The following CAMK1D variants were observed in gnomAD, a reference collection of about 807,000 sequenced individuals.
CAMK1D encodes the protein calcium/calmodulin dependent protein kinase ID.
In CAMK1D, 9 loss-of-function variants were observed where a neutral mutation model predicts 47.7. The ratio of observed to expected loss-of-function variants is 0.19; its 90% CI spans 0.11 to 0.33. CAMK1D has a LOEUF of 0.33. Ranked by LOEUF, CAMK1D falls within the 10% of genes least tolerant of loss-of-function variation. The pLI is 1.00. For missense variants in CAMK1D, 291 were observed against 488.7 expected, an observed-to-expected ratio of 0.60 and a Z score of 3.81; for synonymous variants, 184 against 184.9, an observed-to-expected ratio of 0.99 and a Z score of 0.04.
chr10:12,614,715 T>A (rs1404499701), intron 2 of CAMK1D, among the ~76,000 whole-genome samples: 1 of 152,138 alleles, frequency 6.6e-6, no homozygotes, highest in Non-Finnish European at 1.5e-5. Context: ...CCCCACCTAC[T>A]CCAGGATATC....
intron 1 of CAMK1D, among the ~76,000 whole-genome samples, chr10:12,425,516 G>A (rs749337893): frequency 2.6e-5 from 4 of 152,146 alleles, no homozygotes; most frequent in African/African-American, 7.2e-5. Flanking sequence ...TCCTGACCTC[G>A]GGTGAACTGC....
intron 2 of CAMK1D, among the ~76,000 whole-genome samples, chr10:12,593,025 G>C (rs1588669618): frequency 6.6e-6 from 1 of 152,108 alleles, no homozygotes; most frequent in African/African-American, 2.4e-5. Flanking sequence ...TCAGACCAGG[G>C]GTCAGTGAAT....
intron 1 of CAMK1D, among the ~76,000 whole-genome samples, chr10:12,420,440 A>T: frequency 6.6e-6 from 1 of 152,236 alleles, no homozygotes; most frequent in Non-Finnish European, 1.5e-5. Context: ...TCATAACTCC[A>T]ACAAGGCATT....
intron 1 of CAMK1D, among the ~76,000 whole-genome samples, chr10:12,409,200 A>G (rs914129721): frequency 6.6e-6 from 1 of 151,940 alleles, no homozygotes; most frequent in Non-Finnish European, 1.5e-5. Flanking sequence ...TACCTACTTT[A>G]TCCCCTCGTT....
chr10:12,439,011 T>C (rs1213801888), intron 1 of CAMK1D, among the ~76,000 whole-genome samples: 1 of 152,206 alleles, frequency 6.6e-6, no homozygotes, highest in Non-Finnish European at 1.5e-5. Flanking sequence ...GGCTCTTTCC[T>C]GTCTCTTCCT....
intron 1 of CAMK1D, among the ~76,000 whole-genome samples, chr10:12,431,280 A>G (rs1832466659): frequency 6.6e-6 from 1 of 152,182 alleles, no homozygotes; most frequent in African/African-American, 2.4e-5. Flanking sequence ...GCCCCTTGGA[A>G]GCCTGGGGCT....
chr10:12,764,819 A>G (rs1057350813), intron 4 of CAMK1D, among the ~76,000 whole-genome samples: 1 of 151,996 alleles, frequency 6.6e-6, no homozygotes, highest in Non-Finnish European at 1.5e-5. Context: ...CATTGGGGCC[A>G]GTGCGGTGGC....
intron 2 of CAMK1D, among the ~76,000 whole-genome samples, chr10:12,575,574 A>G (rs1837467307): frequency 6.6e-6 from 1 of 152,206 alleles, no homozygotes; most frequent in Non-Finnish European, 1.5e-5. Flanking sequence ...TGGGTAGACA[A>G]GATGGTCCAT....
At chr10:12,706,204 A>G (rs1833721155) in intron 3 of CAMK1D, among the ~76,000 whole-genome samples, 1 of 152,202 alleles carries the variant, frequency 6.6e-6, no homozygotes, top group Non-Finnish European at 1.5e-5. Flanking sequence ...ATCCTGGGTG[A>G]GACAGAGTAG....
chr10:12,802,767 A>G (rs1838543710), intron 6 of CAMK1D, among the ~76,000 whole-genome samples: 2 of 152,160 alleles, frequency 1.3e-5, no homozygotes, highest in African/African-American at 2.4e-5. Flanking sequence ...TGATCCGTCC[A>G]CCGTGGCCTC....
chr10:12,644,034 A>G (rs1390910161), intron 2 of CAMK1D, among the ~76,000 whole-genome samples: 3 of 152,158 alleles, frequency 2.0e-5, no homozygotes, highest in Admixed American at 1.3e-4. Context: ...ATACATTACA[A>G]TGTAACAATC....
rs139049667 is a variant in CAMK1D at position 12,713,132 on chromosome 10, G to A, written c.299+46322G>A. On this transcript the variant is annotated intron_variant, in intron 3 of 10. Transcript: ENST00000619168. ...GTTGCCCAAGCTGGAGTGCAATGGC[G>A]CCACCTTGGCTCACTGCAACCTCTG... is the stretch of plus-strand genomic sequence containing the variant. 5.1e-3 allele frequency among the ~76,000 whole-genome samples: 779 copies of A among 151,986 alleles called. 7 individuals are homozygous for A. Among genetic ancestry groups the A allele is most frequent in the African/African-American group, 0.017 (701 of 41,432 alleles).
chr10:12,547,692 A>ACACACACACACACACACACACACACT, intron 1 of CAMK1D, among the ~76,000 whole-genome samples: 1 of 120,646 alleles, frequency 8.3e-6, no homozygotes, highest in African/African-American at 3.2e-5. Context: ...TCACACACAC[A>ACACACACACACACACACACACACACT]CACACACACC....
At chr10:12,508,927 C>T (rs1204086933) in intron 1 of CAMK1D, among the ~76,000 whole-genome samples, 1 of 152,184 alleles carries the variant, frequency 6.6e-6, no homozygotes, top group African/African-American at 2.4e-5. Flanking sequence ...ATTCTTTGTC[C>T]TGCTCCCCAA....
intron 1 of CAMK1D, among the ~76,000 whole-genome samples, chr10:12,526,230 AGTTAAGTTTTCAAAGCCTTT>A (rs1246191610): frequency 6.6e-6 from 1 of 152,226 alleles, no homozygotes; most frequent in Non-Finnish European, 1.5e-5. Flanking sequence ...TAACAGTATC[AGTTAAGTTTTCAAAGCCTTT>A]GCTATGCTGT....
chr10:12,541,841 A>ATCTT, intron 1 of CAMK1D, among the ~76,000 whole-genome samples: 1 of 68,536 alleles, frequency 1.5e-5, no homozygotes, highest in Non-Finnish European at 3.3e-5. Context: ...GCTGTGTTTT[A>ATCTT]TCTTCCTTCC....
At chr10:12,695,105 T>G (rs895499164) in intron 3 of CAMK1D, among the ~76,000 whole-genome samples, 1 of 151,876 alleles carries the variant, frequency 6.6e-6, no homozygotes, top group Non-Finnish European at 1.5e-5. Flanking sequence ...TAGGGTAGAT[T>G]GATCCTATTG....
chr10:12,680,281 G>C (rs991856921), intron 3 of CAMK1D, among the ~76,000 whole-genome samples: 2 of 152,204 alleles, frequency 1.3e-5, no homozygotes, highest in African/African-American at 2.4e-5. Context: ...CTGGAGTAGA[G>C]AGCCACAGAG....
intron 2 of CAMK1D, among the ~76,000 whole-genome samples, chr10:12,651,228 T>G (rs1214034541): frequency 2.0e-5 from 3 of 152,076 alleles, no homozygotes; most frequent in African/African-American, 4.8e-5. Context: ...TCTGATGAAA[T>G]AGCAACTCAA....
Sources: gnomAD v4.1 joint callset for allele counts (sites outside exome capture counted in the v4.1 genomes callset) on GRCh38, gnomAD v4.1.1 for gene constraint, MANE v1.5 for transcripts, NCBI Gene and HGNC (gene_info 2026-07-23, HGNC 2026-07-21) for gene names.